Variants in CELSR1 observed in about 807,000 individuals in gnomAD.
CELSR1 encodes adhesion G protein-coupled receptor C1.
In CELSR1, 110 loss-of-function variants were observed where a neutral mutation model predicts 249.1. That is an observed-to-expected ratio of 0.44 (90% CI 0.38 to 0.52). The LOEUF (loss-of-function observed/expected upper bound fraction) is 0.52, where lower values mean the gene tolerates loss of function less well. Ranked by LOEUF, CELSR1 falls within the 20% of genes least tolerant of loss-of-function variation. The pLI, the probability that CELSR1 is intolerant of heterozygous loss-of-function variation, is 0.00. For synonymous variants in CELSR1, 2,113 were observed against 1,900.0 expected (o/e 1.11, Z -2.92); for missense variants, 4,109 against 4,296.4 (o/e 0.96, Z 1.22).
chr22:46,486,785 G>C (rs2080317228), intron 1 of CELSR1, among the ~76,000 whole-genome samples: 1 of 152,096 alleles, frequency 6.6e-6, no homozygotes, highest in African/African-American at 2.4e-5. Flanking sequence ...GGAGGTTGCA[G>C]TGAGCGGAGA....
intron 1 of CELSR1, among the ~76,000 whole-genome samples, chr22:46,499,773 C>T (rs1453754770): frequency 6.6e-6 from 1 of 152,162 alleles, no homozygotes; most frequent in Non-Finnish European, 1.5e-5. Context: ...CCAGCATCCT[C>T]TGCTCTCGTC....
intron 1 of CELSR1, among the ~76,000 whole-genome samples, chr22:46,509,691 T>G (rs1445376692): frequency 6.6e-6 from 1 of 151,848 alleles, no homozygotes; most frequent in Admixed American, 6.6e-5. Context: ...AAGTGAGTAG[T>G]GAGTACGGGA....
At chr22:46,455,553 G>A (rs932452239) in intron 2 of CELSR1, among the ~76,000 whole-genome samples, 2 of 152,046 alleles carry the variant, frequency 1.3e-5, no homozygotes, top group Non-Finnish European at 2.9e-5. Context: ...CGTTTGCCTC[G>A]CCCACCCAAA....
chr22:46,461,180 C>T (rs956549194), intron 2 of CELSR1, among the ~76,000 whole-genome samples: 7 of 152,140 alleles, frequency 4.6e-5, no homozygotes, highest in African/African-American at 7.2e-5. Flanking sequence ...GGAAGAGGGA[C>T]GGAGTAGAAA....
rs2079165201 is a variant in CELSR1 at position 46,397,725 on chromosome 22, T to C, written c.5650A>G (p.Asn1884Asp). ...TCCCAGGCGTCGTGGCAGCGGCTATTGGGGGGACAGGGGCTCGAGGTACAG... is the reference window on the plus strand; with the variant it reads ...TCCCAGGCGTCGTGGCAGCGGCTATCGGGGGGACAGGGGCTCGAGGTACAG... ...DPCTSSPCPP[N>D]SRCHDAWEDY... Residue 1884 changes from asparagine (N) to aspartate (D), a missense_variant, in exon 12 of 35, where the codon AAT becomes GAT. Physicochemically the swap from Asn to Asp is conservative, Grantham distance 23 (BLOSUM62 1). This residue lies in a region of CELSR1 where 1,805 missense variants were observed against 1,831.6 expected (regional missense o/e 0.99). Coordinates refer to ENST00000674500, the MANE Select transcript of CELSR1 (RefSeq NM_001378328.1). The C allele has an allele frequency of 1.9e-6, 3 of 1,587,744 alleles. No individual in the cohort carries two copies. Among genetic ancestry groups the C allele is most frequent in the Non-Finnish European group, 2.6e-6 (3 of 1,165,762 alleles).
intron 1 of CELSR1, among the ~76,000 whole-genome samples, chr22:46,516,262 G>C (rs1046012297): frequency 1.3e-5 from 2 of 152,176 alleles, no homozygotes; most frequent in African/African-American, 4.8e-5. Flanking sequence ...ATACACCATG[G>C]AATACTATGC....
At position 46,390,629 on chromosome 22, in the gene CELSR1, C is replaced by G. The variant is rs1447406367; in HGVS notation, c.6251-143G>C. ...CCCATGGGGGCCAGGAGGTCGACAC[C>G]AGCGCCCCTCTTTCATGTCAGGGCC... On this transcript the variant is annotated intron_variant, in intron 16 of 34. Transcript: ENST00000674500. The surrounding 1 kb of genome is among the most constrained non-coding windows in gnomAD (Gnocchi z 6.3). 2 of 634,268 alleles carry G rather than the reference C, an allele frequency of 3.2e-6. No individual in the cohort carries two copies. Among genetic ancestry groups the G allele is most frequent in the Non-Finnish European group, 5.4e-6 (2 of 372,252 alleles). 39.3% of individuals were successfully genotyped at this position (634,268 alleles called of 1,614,324 possible).
At chr22:46,483,422 C>T (rs1393203928) in intron 1 of CELSR1, among the ~76,000 whole-genome samples, 3 of 124,086 alleles carry the variant, frequency 2.4e-5, no homozygotes, top group East Asian at 2.7e-4. Flanking sequence ...GACAGCGTCT[C>T]GCTCTGTCAC....
Position 46,448,273 on chromosome 22 carries a change from C to G in CELSR1, c.4184-8862G>C, listed in dbSNP as rs1051995882. On this transcript the variant is annotated intron_variant, in intron 2 of 34. Transcript: ENST00000674500. This position sits in a 1 kb window ranked among gnomAD's most constrained non-coding sequence, Gnocchi z 5.7. ...GGGCTGGACACAAGCCCAGGGAAGA[C>G]AGAGGGCATGGGGGTGGGGGCAGAG... Among the ~76,000 whole-genome samples the G allele has an allele frequency of 1.3e-5, 2 of 152,140 alleles. No homozygotes were observed. Among genetic ancestry groups the G allele is most frequent in the African/African-American group, 4.8e-5 (2 of 41,434 alleles).
In CELSR1 at chr22:46,484,465, A is replaced by T. The variant is rs1252710897; in HGVS notation, c.3545-20120T>A. ...TCAGGGGCCCTGAAATCCCTTCCAGAATAATTTCACAGAGACCTCTTTTGA... is the reference window on the plus strand; with the variant it reads ...TCAGGGGCCCTGAAATCCCTTCCAGTATAATTTCACAGAGACCTCTTTTGA... On this transcript the variant is annotated intron_variant, in intron 1 of 34. Transcript: ENST00000674500. This position sits in a 1 kb window ranked among gnomAD's most constrained non-coding sequence, Gnocchi z 4.5. 2.6e-5 allele frequency among the ~76,000 whole-genome samples: 4 copies of T among 151,922 alleles called. No individual in the cohort carries two copies. In the East Asian group the frequency reaches 7.8e-4, roughly 30 times the overall value.
In CELSR1 at chr22:46,448,658, T is replaced by C. The variant is rs2079848019; in HGVS notation, c.4184-9247A>G. 2.8e-6 allele frequency: 1 copy of C among 353,996 alleles called. No homozygotes were observed. Among genetic ancestry groups the C allele is most frequent in the African/African-American group, 2.2e-5 (1 of 46,174 alleles). 21.9% of individuals were successfully genotyped at this position (353,996 alleles called of 1,614,324 possible). On this transcript the variant is annotated intron_variant, in intron 2 of 34. Transcript: ENST00000674500. This position sits in a 1 kb window ranked among gnomAD's most constrained non-coding sequence, Gnocchi z 5.7. ...GATGAAGGCTTAGTTTATGCAGAAT[T>C]AACGATCAAAATGAAACACAAGAAC...
intron 12 of CELSR1, among the ~76,000 whole-genome samples, chr22:46,397,468 C>A (rs1373434179): frequency 6.6e-6 from 1 of 151,954 alleles, no homozygotes; most frequent in Admixed American, 6.6e-5. Flanking sequence ...CTGAGGAGAG[C>A]GCCTGGGGCA....
intron 5 of CELSR1, among the ~76,000 whole-genome samples, chr22:46,421,128 G>T (rs138810184): frequency 1.1e-3 from 173 of 152,282 alleles, no homozygotes; most frequent in African/African-American, 3.9e-3. Flanking sequence ...GATCACGTGG[G>T]GGACACACAT....
rs1407601601 is a variant in CELSR1, at chr22:46,399,381, A to C, written c.5412+336T>G. ...CGGGCCCCAGCATTGCTACTTCAGTACCCTAAAGACATGGTGCTGAGCCTG... is the reference window on the plus strand; with the variant it reads ...CGGGCCCCAGCATTGCTACTTCAGTCCCCTAAAGACATGGTGCTGAGCCTG... On this transcript the variant is annotated intron_variant, in intron 10 of 34. Transcript: ENST00000674500. This position sits in a 1 kb window ranked among gnomAD's most constrained non-coding sequence, Gnocchi z 5.0. Among the ~76,000 whole-genome samples the C allele has an allele frequency of 6.6e-6, 1 of 152,174 alleles. No homozygotes were observed. Among genetic ancestry groups the C allele is most frequent in the Non-Finnish European group, 1.5e-5 (1 of 68,034 alleles).
intron 2 of CELSR1, among the ~76,000 whole-genome samples, chr22:46,462,166 G>A (rs2080036853): frequency 6.6e-6 from 1 of 152,246 alleles, no homozygotes; most frequent in South Asian, 2.1e-4. Context: ...TTTAGGATTA[G>A]CATTCAGTGA....
chr22:46,417,897 C>T lies in CELSR1; in HGVS notation c.4612-6138G>A, dbSNP rs1285717208. On this transcript the variant is annotated intron_variant, in intron 5 of 34. Transcript: ENST00000674500. This position sits in a 1 kb window ranked among gnomAD's most constrained non-coding sequence, Gnocchi z 4.1. ...GGGCCCAAGGCCGGCGGGGGGCTCA[C>T]AGGACAGCAGTGTCCACAGCATCCA... Among the ~76,000 whole-genome samples the T allele has an allele frequency of 6.6e-6, 1 of 152,232 alleles. No individual in the cohort carries two copies. Among genetic ancestry groups the T allele is most frequent in the East Asian group, 1.9e-4 (1 of 5,200 alleles).
chr22:46,388,356 A>AAGAAAT (rs2079053236), intron 18 of CELSR1, among the ~76,000 whole-genome samples: 1 of 151,928 alleles, frequency 6.6e-6, no homozygotes. Flanking sequence ...CTTAAAAAAA[A>AAGAAAT]AAAGAAATAA....
intron 28 of CELSR1, among the ~76,000 whole-genome samples, chr22:46,367,354 G>T (rs549430340): frequency 1.3e-5 from 2 of 152,388 alleles, no homozygotes; most frequent in African/African-American, 2.4e-5. Context: ...GGCAGTGAGG[G>T]CCCCGGCTCA....
Position 46,408,949 on chromosome 22 carries a change from C to A in CELSR1, c.5226+47G>T, listed in dbSNP as rs371329616. 2.7e-6 allele frequency: 4 copies of A among 1,503,136 alleles called. No individual in the cohort carries two copies. The African/African-American group carries it at 5.6e-5, about 21-fold the overall frequency. 93.1% of individuals were successfully genotyped at this position (1,503,136 alleles called of 1,614,324 possible). ...AAGCCCAGCGCCTGGGTCCCTCCCTCGGGCACCCACCTAGCAGGTGCCTTG... is the reference window on the plus strand; with the variant it reads ...AAGCCCAGCGCCTGGGTCCCTCCCTAGGGCACCCACCTAGCAGGTGCCTTG... On this transcript the variant is annotated intron_variant, in intron 9 of 34. Transcript: ENST00000674500. This position sits in a 1 kb window ranked among gnomAD's most constrained non-coding sequence, Gnocchi z 4.6.
Sources: allele counts gnomAD v4.1 joint callset (sites outside exome capture counted in the v4.1 genomes callset), GRCh38; gene constraint gnomAD v4.1.1; regional missense constraint gnomAD v4.1.1; non-coding constraint Gnocchi (gnomAD v3.1); transcripts MANE v1.5; gene names NCBI Gene and HGNC (gene_info 2026-07-23, HGNC 2026-07-21).